The following PLK4 variants were observed in gnomAD, a reference collection of about 807,000 sequenced individuals.
The protein encoded by PLK4 is serine/threonine-protein kinase PLK4.
PLK4 carries 51 observed loss-of-function variants against 103.0 expected under a neutral mutation model. The ratio of observed to expected loss-of-function variants is 0.50; its 90% CI spans 0.40 to 0.63. The LOEUF is 0.63. PLK4 is among the 20% of genes least tolerant of loss of function. PLK4 has a pLI of 0.00. For missense variants in PLK4, 1,054 were observed against 1,151.0 expected (o/e 0.92, Z 1.22); for synonymous variants, 389 against 376.8 (o/e 1.03, Z -0.38).
At chr4:127,886,757 G>GT in intron 5 of PLK4, 29 bp downstream of exon 5, 1 of 1,458,982 alleles carries the variant, frequency 6.9e-7, no homozygotes, top group South Asian at 1.3e-5. Context: ...GAGGCATTTT[G>GT]TTTTTTGGTA....
At chr4:127,888,170 A>ACT (rs1735209578) in intron 6 of PLK4, among the ~76,000 whole-genome samples, 1 of 99,210 alleles carries the variant, frequency 1.0e-5, no homozygotes, top group Admixed American at 1.5e-4. Flanking sequence ...ATAGAGCTAG[A>ACT]CTGTCTCAAA....
intron 2 of PLK4, among the ~76,000 whole-genome samples, chr4:127,882,824 G>A (rs1560690798): frequency 6.6e-6 from 1 of 152,244 alleles, no homozygotes; most frequent in East Asian, 1.9e-4. Flanking sequence ...GGAGGCTGAG[G>A]TGGGAGGATA....
intron 14 of PLK4, 103 bp from the exon 15 acceptor site, chr4:127,896,698 T>A: frequency 1.7e-6 from 1 of 600,306 alleles, no homozygotes; most frequent in Non-Finnish European, 2.9e-6. Flanking sequence ...TAAATATTAA[T>A]ACAGAACCAC....
Position 127,890,142 on chromosome 4 carries a change from C to T in PLK4, c.1736C>T (p.Pro579Leu). 1 of 1,613,886 alleles carries T rather than the reference C, an allele frequency of 6.2e-7. No individual in the cohort carries two copies. The highest frequency in any genetic ancestry group is 8.5e-7 in the Non-Finnish European group (1 of 1,179,784). The change falls in exon 7 of 16, where the codon CCA (proline) becomes CTA (leucine). Residue 579 changes from proline to leucine, a missense_variant. By Grantham distance (98) the Pro-to-Leu change is moderately conservative (BLOSUM62 -3). Transcript: ENST00000270861. ...EQSKTRGMEP[P>L]WGYQNRTLRS... The stretch of plus-strand genomic sequence containing the variant: ...AGCAAGACTAGGGGTATGGAGCCAC[C>T]ATGGGGTTATCAGAATCGTACATTA...
At chr4:127,887,225 GGGA>G (rs1249743186) in intron 5 of PLK4, 168 bp from the exon 6 acceptor site, 25 of 519,994 alleles carry the variant, frequency 4.8e-5, no homozygotes, top group Non-Finnish European at 7.3e-5. Flanking sequence ...ATTTTGGCAT[GGGA>G]GTTTAGCTTT....
chr4:127,894,837 ATGTT>A, intron 13 of PLK4, 112 bp from the exon 14 acceptor site: 1 of 620,484 alleles, frequency 1.6e-6, no homozygotes, highest in Non-Finnish European at 2.5e-6. Context: ...TCGTTAAAAA[ATGTT>A]TGTTTTTAAA....
chr4:127,888,426 G>A (rs1176027332), intron 6 of PLK4, among the ~76,000 whole-genome samples: 3 of 152,040 alleles, frequency 2.0e-5, no homozygotes, highest in Admixed American at 2.0e-4. Flanking sequence ...GCCAGGGTTC[G>A]AACATAAGTA....
In PLK4 at chr4:127,898,430, T is replaced by A; in HGVS notation, c.2811-9T>A. On this transcript the variant is annotated splice_polypyrimidine_tract_variant and intron_variant, in intron 15 of 15. Coordinates refer to ENST00000270861, the MANE Select transcript of PLK4 (RefSeq NM_014264.5). ...ACGATTTTGTCTTTTTTTCTTTTGC[T>A]TCACTTAGGTATGGAGAAAATGAAA... is the stretch of plus-strand genomic sequence containing the variant. 1 of 1,283,984 alleles carries A rather than the reference T, an allele frequency of 7.8e-7. No individual in the cohort carries two copies. The highest frequency in any genetic ancestry group is 1.3e-5 in the South Asian group (1 of 79,578). 79.5% of individuals were successfully genotyped at this position (1,283,984 alleles called of 1,614,324 possible).
rs376554857 is a variant in PLK4, at chr4:127,896,874, T to A, written c.2777T>A (p.Ile926Asn). 1.9e-6 allele frequency: 3 copies of A among 1,610,668 alleles called. No homozygotes were observed. Among genetic ancestry groups the A allele is most frequent in the Non-Finnish European group, 2.5e-6 (3 of 1,177,036 alleles). ...QLVVQAGVSS[I>N]SYTSPNGQTT... is the part of the protein sequence containing the mutation. ...GTTGTGCAGGCAGGAGTGTCTTCTA[T>A]CAGTTATACCTCACCAAATGGTCAA... is the stretch of plus-strand genomic sequence containing the variant. The change falls in exon 15 of 16, where the codon ATC becomes AAC. Residue 926 changes from isoleucine (I) to asparagine (N), a missense_variant. Physicochemically the swap from Ile to Asn is moderately radical, Grantham distance 149. This residue lies in a region of PLK4 where 167 missense variants were observed against 200.7 expected (regional missense o/e 0.83). Transcript: ENST00000270861.
In PLK4 at chr4:127,891,598, AT is replaced by A. The variant is rs755842573; in HGVS notation, c.1956del (p.Asn652LysfsTer45). 6.5e-7 allele frequency: 1 copy of A among 1,528,702 alleles called. No individual in the cohort carries two copies. The highest frequency in any genetic ancestry group is 8.9e-7 in the Non-Finnish European group (1 of 1,126,126). The allele number at this position is 1,528,702 out of a possible 1,614,324, so 94.7% of individuals were successfully genotyped here. ...TGGCAGATCACTATTTATTATCCAA[AT>A]GGTGGTAGAGGTTTTCCTCTTGCTG... ...DGNTITIYYPNGGRGFPLADR... is the reference protein window; with the variant it reads ...DGNTITIYYPXGGRGFPLADR... On this transcript the variant is annotated frameshift_variant, in exon 9 of 16. Transcript: ENST00000270861. LOFTEE classifies it high-confidence loss of function.
At chr4:127,881,337 C>T (rs1734911664) in intron 1 of PLK4, 173 bp downstream of exon 1, 9 of 1,463,898 alleles carry the variant, frequency 6.1e-6, no homozygotes, top group Non-Finnish European at 6.3e-6. Context: ...AGCGGCCCGC[C>T]CCTCAAGAGA....
rs758830541 is a variant in PLK4 at position 127,886,326 on chromosome 4, C to T, written c.956C>T (p.Pro319Leu). The change falls in exon 5 of 16, where the codon CCA becomes CTA. Residue 319 changes from proline to leucine, a missense_variant. Around this residue, in one of 4 missense-constraint regions of PLK4, gnomAD observed 680 missense variants for 660.3 expected, o/e 1.03. Coordinates refer to ENST00000270861, the MANE Select transcript of PLK4 (RefSeq NM_014264.5). ...AGACTTTTGATTGGTCAGCCACTCC[C>T]AAATAAAATGACTGTATTTCCAAAG... ...KRRLLIGQPL[P>L]NKMTVFPKNK... The T allele has an allele frequency of 1.2e-6, 2 of 1,613,684 alleles. No homozygotes were observed. The highest frequency in any genetic ancestry group is 1.1e-5 in the South Asian group (1 of 90,986).
chr4:127,888,793 G>A (rs192298947), intron 6 of PLK4, among the ~76,000 whole-genome samples: 12 of 152,122 alleles, frequency 7.9e-5, no homozygotes, highest in East Asian at 3.9e-4. Flanking sequence ...ACTAAGTATC[G>A]TATTACCTCA....
At position 127,890,214 on chromosome 4, in the gene PLK4, G is replaced by T. The variant is rs1463245406; in HGVS notation, c.1808G>T (p.Arg603Ile). Residue 603 changes from arginine (R) to isoleucine (I), a missense_variant, in exon 7 of 16, where the codon AGA becomes ATA. Arg to Ile is a moderately conservative substitution (Grantham distance 97). Transcript: ENST00000270861. The stretch of plus-strand genomic sequence containing the variant: ...GTTGCTCACAGGTTAAAACCAATCA[G>T]ACAGAAAACCAAAAAGGCTGTGGTA... ...PLVAHRLKPI[R>I]QKTKKAVVSI... 1 of 1,600,236 alleles carries T rather than the reference G, an allele frequency of 6.2e-7. No individual in the cohort carries two copies. The highest frequency in any genetic ancestry group is 2.2e-5 in the East Asian group (1 of 44,668).
At chr4:127,887,871 CAAAA>C (rs34675793) in intron 6 of PLK4, among the ~76,000 whole-genome samples, 3 of 40,382 alleles carry the variant, frequency 7.4e-5, no homozygotes, top group African/African-American at 1.0e-4. Flanking sequence ...GAGACCCTGT[CAAAA>C]AAAAAAAAAA....
In PLK4 at chr4:127,892,570, C is replaced by T. The variant is rs528446343; in HGVS notation, c.2188+56C>T. The T allele has an allele frequency of 6.6e-4, 920 of 1,387,882 alleles. 12 individuals carry two copies. The South Asian group carries it at 0.011, about 16-fold the overall frequency. The allele number at this position is 1,387,882 out of a possible 1,614,324, so 86.0% of individuals were successfully genotyped here. A position where few individuals can be genotyped will look rare whatever the true frequency, so the allele number is the denominator to read the frequency against. ...CCTTTAGTTTGTAATTTAGTAGTTA[C>T]GTATATGTGGGTTTTTAAAATTCAA... On this transcript the variant is annotated intron_variant, in intron 10 of 15. Transcript: ENST00000270861.
At chr4:127,893,937 C>T (rs1735464793) in intron 13 of PLK4, 56 bp downstream of exon 13, 4 of 945,290 alleles carry the variant, frequency 4.2e-6, no homozygotes, top group Non-Finnish European at 1.7e-6. Context: ...TGCCTGATGC[C>T]CTTCTTGTAA....
At chr4:127,895,930 AC>A (rs1735550071) in intron 14 of PLK4, among the ~76,000 whole-genome samples, 1 of 152,148 alleles carries the variant, frequency 6.6e-6, no homozygotes, top group South Asian at 2.1e-4. Context: ...TGAGTTTCAA[AC>A]TTATAGAATT....
intron 14 of PLK4, among the ~76,000 whole-genome samples, 196 bp from the exon 15 acceptor site, chr4:127,896,605 C>A (rs1735573141): frequency 6.6e-6 from 1 of 151,938 alleles, no homozygotes; most frequent in South Asian, 2.1e-4. Context: ...CATGAATATT[C>A]TCAGTGCTCT....
Sources: allele counts gnomAD v4.1 joint callset (sites outside exome capture counted in the v4.1 genomes callset), GRCh38; gene constraint gnomAD v4.1.1; regional missense constraint gnomAD v4.1.1; transcripts MANE v1.5; gene names NCBI Gene and HGNC (gene_info 2026-07-23, HGNC 2026-07-21).